The following SMYD3 variants were observed in gnomAD, a reference collection of about 807,000 sequenced individuals.
SMYD3 encodes the protein histone-lysine N-methyltransferase SMYD3.
A neutral mutation model predicts 57.7 loss-of-function variants in SMYD3; 36 were observed. That is an observed-to-expected ratio of 0.62 (90% CI 0.48 to 0.82). The LOEUF (loss-of-function observed/expected upper bound fraction) is 0.82. SMYD3 is among the 40% of genes least tolerant of loss of function. The pLI is 0.00. For missense variants in SMYD3, 515 were observed against 538.8 expected (o/e 0.96, Z 0.44); for synonymous variants, 211 against 195.0 (o/e 1.08, Z -0.68).
At chr1:246,311,256 T>C (rs1227541177) in intron 5 of SMYD3, among the ~76,000 whole-genome samples, 2 of 152,224 alleles carry the variant, frequency 1.3e-5, no homozygotes, top group African/African-American at 2.4e-5. Flanking sequence ...CTAAATACTT[T>C]GCAAGATTCT....
intron 5 of SMYD3, among the ~76,000 whole-genome samples, chr1:246,255,988 A>AGATG (rs2063885089): frequency 6.6e-6 from 1 of 151,296 alleles, no homozygotes; most frequent in South Asian, 2.1e-4. Context: ...ATAGATAGAT[A>AGATG]CACACACACA....
intron 5 of SMYD3, among the ~76,000 whole-genome samples, chr1:246,222,929 G>T (rs1359992210): frequency 6.6e-6 from 1 of 152,122 alleles, no homozygotes; most frequent in Non-Finnish European, 1.5e-5. Context: ...TCTAATACAT[G>T]AAAATCTTTC....
At chr1:245,930,014 C>G (rs1430755558) in intron 5 of SMYD3, 77 bp from the exon 6 acceptor site, 2 of 1,286,332 alleles carry the variant, frequency 1.6e-6, no homozygotes, top group East Asian at 4.7e-5. Flanking sequence ...AAAAAACGTT[C>G]AAACCCAAAT....
chr1:246,158,380 A>G (rs2062056761), intron 5 of SMYD3, among the ~76,000 whole-genome samples: 1 of 152,224 alleles, frequency 6.6e-6, no homozygotes, highest in East Asian at 1.9e-4. Context: ...ATTGAGATAT[A>G]TGTGATGGAG....
Position 246,214,568 on chromosome 1 carries a change from C to A in SMYD3, c.531+112633G>T, listed in dbSNP as rs374007935. ...ACCAAGGAATTTTTAAAATAGCATG[C>A]CAAAGTAAGTAAATACATAATAAGT... On this transcript the variant is annotated intron_variant, in intron 5 of 11. Transcript: ENST00000490107. Among the ~76,000 whole-genome samples the A allele has an allele frequency of 3.3e-5, 5 of 152,036 alleles. No homozygotes were observed. In the East Asian group the frequency reaches 5.8e-4, roughly 18 times the overall value.
At position 246,134,413 on chromosome 1, in the gene SMYD3, T is replaced by A. The variant is rs2061635653; in HGVS notation, c.531+192788A>T. Among the ~76,000 whole-genome samples the A allele has an allele frequency of 2.6e-5, 4 of 152,126 alleles. No homozygotes were observed. The South Asian group carries it at 8.3e-4, about 31-fold the overall frequency. On this transcript the variant is annotated intron_variant, in intron 5 of 11. Transcript: ENST00000490107. The stretch of plus-strand genomic sequence containing the variant: ...TCAGCTAGATCATGTATATGATTCA[T>A]AAGTAATCTAGATAATTTATAAATT...
chr1:245,845,436 T>A (rs1445163906), intron 10 of SMYD3, among the ~76,000 whole-genome samples: 1 of 152,176 alleles, frequency 6.6e-6, no homozygotes, highest in African/African-American at 2.4e-5. Flanking sequence ...CTATATTACT[T>A]AATGCCTGTA....
chr1:246,411,892 G>A (rs1200968047), intron 1 of SMYD3, among the ~76,000 whole-genome samples: 1 of 150,244 alleles, frequency 6.7e-6, no homozygotes, highest in African/African-American at 2.5e-5. Flanking sequence ...GAGTTAATGG[G>A]TGCAGCACAC....
chr1:246,023,052 A>G (rs1005324178), intron 5 of SMYD3, among the ~76,000 whole-genome samples: 3 of 152,170 alleles, frequency 2.0e-5, no homozygotes, highest in African/African-American at 7.2e-5. Flanking sequence ...CTACCAATCC[A>G]TTCTCTAAAC....
chr1:246,501,022 T>C (rs1387078501), intron 1 of SMYD3, among the ~76,000 whole-genome samples: 1 of 152,204 alleles, frequency 6.6e-6, no homozygotes, highest in African/African-American at 2.4e-5. Context: ...CTAGACCCAT[T>C]AGCCACTGCC....
intron 7 of SMYD3, among the ~76,000 whole-genome samples, chr1:245,924,346 A>G (rs2056209487): frequency 6.6e-6 from 1 of 152,226 alleles, no homozygotes; most frequent in Non-Finnish European, 1.5e-5. Context: ...AAAAGACCCA[A>G]TAACTCAGCA....
At chr1:246,122,450 G>A (rs1228108290) in intron 5 of SMYD3, among the ~76,000 whole-genome samples, 1 of 152,164 alleles carries the variant, frequency 6.6e-6, no homozygotes, top group African/African-American at 2.4e-5. Context: ...TTATGAAGGT[G>A]TATTCGTATA....
At chr1:246,011,102 T>C (rs1319339796) in intron 5 of SMYD3, among the ~76,000 whole-genome samples, 1 of 152,176 alleles carries the variant, frequency 6.6e-6, no homozygotes, top group Non-Finnish European at 1.5e-5. Flanking sequence ...TCTAATGGTG[T>C]ATTAGCAAGA....
intron 1 of SMYD3, among the ~76,000 whole-genome samples, chr1:246,502,979 T>A (rs976525038): frequency 2.6e-5 from 4 of 152,180 alleles, no homozygotes; most frequent in Non-Finnish European, 5.9e-5. Flanking sequence ...CTTCTACCAC[T>A]GCTGTGCTAT....
chr1:245,916,766 TAGCC>T (rs1183979138), intron 7 of SMYD3, among the ~76,000 whole-genome samples: 2 of 152,132 alleles, frequency 1.3e-5, no homozygotes, highest in Non-Finnish European at 1.5e-5. Context: ...CTCCACCCTC[TAGCC>T]AGAGTGATTC....
At chr1:245,981,930 G>C (rs187706354) in intron 5 of SMYD3, among the ~76,000 whole-genome samples, 1 of 152,192 alleles carries the variant, frequency 6.6e-6, no homozygotes. Flanking sequence ...TTGGGCAGGC[G>C]AGTCTCCCAG....
intron 5 of SMYD3, among the ~76,000 whole-genome samples, chr1:246,259,596 A>G (rs1434692014): frequency 6.6e-6 from 1 of 152,180 alleles, no homozygotes; most frequent in Non-Finnish European, 1.5e-5. Flanking sequence ...TGATGCTTAT[A>G]GGTAAGAGCC....
chr1:245,764,458 G>A (rs891152296), intron 10 of SMYD3, among the ~76,000 whole-genome samples: 4 of 152,012 alleles, frequency 2.6e-5, no homozygotes, highest in South Asian at 2.1e-4. Context: ...GGGGTGGGGC[G>A]GGGAGAACAG....
At chr1:245,923,883 G>A (rs1386944907) in intron 7 of SMYD3, among the ~76,000 whole-genome samples, 3 of 152,224 alleles carry the variant, frequency 2.0e-5, no homozygotes, top group Non-Finnish European at 2.9e-5. Flanking sequence ...TTCTAAAACT[G>A]CTACCAACTC....
Sources: allele counts gnomAD v4.1 joint callset (sites outside exome capture counted in the v4.1 genomes callset), GRCh38; gene constraint gnomAD v4.1.1; transcripts MANE v1.5; gene names NCBI Gene and HGNC (gene_info 2026-07-23, HGNC 2026-07-21).